GNG7: variants seen among roughly 807,000 people sequenced by gnomAD.
GNG7 encodes G protein subunit gamma 7.
A neutral mutation model predicts 4.0 loss-of-function variants in GNG7; 1 was observed. That is an observed-to-expected ratio of 0.25 (90% CI 0.09 to 1.18). The LOEUF is 1.18. GNG7 is among the 50% of genes most tolerant of loss of function. The pLI, the probability that GNG7 is intolerant of heterozygous loss-of-function variation, is 0.50. For missense variants in GNG7, 86 were observed against 91.9 expected, an observed-to-expected ratio of 0.94 and a Z score of 0.26; for synonymous variants, 34 against 36.9, an observed-to-expected ratio of 0.92 and a Z score of 0.29.
rs555050518 is a variant in GNG7, at chr19:2,549,972, C to T, written c.-38+5177G>A. 4.2e-4 allele frequency among the ~76,000 whole-genome samples: 64 copies of T among 152,370 alleles called. 1 individual carries two copies. The East Asian group carries it at 7.9e-3, about 19-fold the overall frequency. Reference sequence around the variant, plus strand: ...TTTCTTGTCTATCCAAATTCCATTACGCCTTTTCTTGCTAATGCAGAAACA... The same window carrying T: ...TTTCTTGTCTATCCAAATTCCATTATGCCTTTTCTTGCTAATGCAGAAACA... On this transcript the variant is annotated intron_variant, in intron 3 of 4. Transcript: ENST00000382159.
intron 1 of GNG7, among the ~76,000 whole-genome samples, chr19:2,696,292 G>GAGAGAGAAAGAAAGAA (rs1555705038): frequency 4.6e-5 from 5 of 108,610 alleles, no homozygotes; most frequent in East Asian, 5.1e-4. Flanking sequence ...AAGAGAGAGA[G>GAGAGAGAAAGAAAGAA]AGAAAGAAAG....
At position 2,664,894 on chromosome 19, in the gene GNG7, C is replaced by T. The variant is rs374460019; in HGVS notation, c.-134-18614G>A. 1.1e-4 allele frequency among the ~76,000 whole-genome samples: 16 copies of T among 152,158 alleles called. No homozygotes were observed. The South Asian group carries it at 1.2e-3, about 12-fold the overall frequency. On this transcript the variant is annotated intron_variant, in intron 1 of 4. Coordinates refer to ENST00000382159, the MANE Select transcript of GNG7 (RefSeq NM_052847.3). Reference sequence around the variant, plus strand: ...CACGACCATCCTCAAGTTGTGACAACGACAAATGTCCTCAGACAACACCCA... The same window carrying T: ...CACGACCATCCTCAAGTTGTGACAATGACAAATGTCCTCAGACAACACCCA...
At position 2,639,409 on chromosome 19, in the gene GNG7, G is replaced by A. The variant is rs191316116; in HGVS notation, c.-78+6815C>T. Among the ~76,000 whole-genome samples, 445 of 151,924 alleles carry A rather than the reference G, an allele frequency of 2.9e-3. 5 individuals carry two copies. The South Asian group carries it at 0.033, about 11-fold the overall frequency. On this transcript the variant is annotated intron_variant, in intron 2 of 4. Coordinates refer to ENST00000382159, the MANE Select transcript of GNG7 (RefSeq NM_052847.3). Reference sequence around the variant, plus strand: ...ACCCCAGCCTGGCAGCCCACAGAAGGATGCCCAGAGAACGGTCGGATTCAC... The same window carrying A: ...ACCCCAGCCTGGCAGCCCACAGAAGAATGCCCAGAGAACGGTCGGATTCAC...
intron 2 of GNG7, among the ~76,000 whole-genome samples, chr19:2,619,301 C>G (rs764306203): frequency 6.6e-6 from 1 of 152,184 alleles, no homozygotes; most frequent in Non-Finnish European, 1.5e-5. Context: ...TATTGGCACA[C>G]GGCCACACCC....
chr19:2,576,873 A>G (rs1980357596), intron 2 of GNG7, among the ~76,000 whole-genome samples: 1 of 150,990 alleles, frequency 6.6e-6, no homozygotes. Flanking sequence ...TTCTAAAGAC[A>G]GGGTCTCGCT....
Position 2,614,043 on chromosome 19 carries a change from C to T in GNG7, c.-78+32181G>A, listed in dbSNP as rs967830364. Among the ~76,000 whole-genome samples, 9 of 152,224 alleles carry T rather than the reference C, an allele frequency of 5.9e-5. No homozygotes were observed. The highest frequency in any genetic ancestry group is 1.9e-4 in the African/African-American group (8 of 41,460). On this transcript the variant is annotated intron_variant, in intron 2 of 4. Coordinates refer to ENST00000382159, the MANE Select transcript of GNG7 (RefSeq NM_052847.3). This position sits in a 1 kb window ranked among gnomAD's most constrained non-coding sequence, Gnocchi z 6.0. ...ATCCACCCAGGGAACTCGGGCCCCGCGCCTACCCCCGGGGTAAAGGGGGCC... is the reference window on the plus strand; with the variant it reads ...ATCCACCCAGGGAACTCGGGCCCCGTGCCTACCCCCGGGGTAAAGGGGGCC...
In GNG7 at chr19:2,567,152, A is replaced by C. The variant is rs79984415; in HGVS notation, c.-77-11964T>G. Among the ~76,000 whole-genome samples the C allele has an allele frequency of 5.2e-3, 742 of 141,620 alleles. 2 individuals carry two copies. Among genetic ancestry groups the C allele is most frequent in the Non-Finnish European group, 7.8e-3 (482 of 62,096 alleles). The allele number at this position is 141,620 out of a possible 152,430, so 92.9% of individuals were successfully genotyped here. On this transcript the variant is annotated intron_variant, in intron 2 of 4. Transcript: ENST00000382159. Reference sequence around the variant, plus strand: ...AAAAACAAAAAAAAAACAAAAAAAAAAACACAAAAACAATAACAAAAAACC... The same window carrying C: ...AAAAACAAAAAAAAAACAAAAAAAACAACACAAAAACAATAACAAAAAACC...
intron 2 of GNG7, among the ~76,000 whole-genome samples, chr19:2,568,374 TAG>T (rs1980008746): frequency 2.7e-5 from 4 of 148,284 alleles, no homozygotes; most frequent in African/African-American, 5.0e-5. Context: ...TACACACATA[TAG>T]ACACACATAT....
At chr19:2,639,159 G>T (rs1051819193) in intron 2 of GNG7, among the ~76,000 whole-genome samples, 1 of 151,768 alleles carries the variant, frequency 6.6e-6, no homozygotes, top group African/African-American at 2.4e-5. Flanking sequence ...GCTTGAACCC[G>T]GAAGGAGGAG....
chr19:2,638,392 A>T (rs1159196956), intron 2 of GNG7, among the ~76,000 whole-genome samples: 1 of 122,458 alleles, frequency 8.2e-6, no homozygotes, highest in African/African-American at 3.2e-5. Flanking sequence ...GGGGAAGAGA[A>T]GGGGATGGGA....
chr19:2,589,800 G>A (rs1470260513), intron 2 of GNG7, among the ~76,000 whole-genome samples: 1 of 152,140 alleles, frequency 6.6e-6, no homozygotes, highest in Non-Finnish European at 1.5e-5. Flanking sequence ...GCCACACAGT[G>A]TGTGATCCCA....
intron 2 of GNG7, among the ~76,000 whole-genome samples, chr19:2,570,215 C>T (rs547799505): frequency 6.6e-6 from 1 of 152,298 alleles, no homozygotes; most frequent in South Asian, 2.1e-4. Flanking sequence ...CCTTCACCTT[C>T]TGCCATGAGT....
chr19:2,675,172 A>G (rs1315298757), intron 1 of GNG7, among the ~76,000 whole-genome samples: 1 of 152,214 alleles, frequency 6.6e-6, no homozygotes, highest in Non-Finnish European at 1.5e-5. Flanking sequence ...TTCATAAATG[A>G]ACCCAAACAG....
At chr19:2,553,383 C>CATATATATATATATATATATATAT (rs200287140) in intron 3 of GNG7, among the ~76,000 whole-genome samples, 103 of 127,668 alleles carry the variant, frequency 8.1e-4, no homozygotes, top group East Asian at 4.6e-3. Context: ...TGGTGCTGAG[C>CATATATATATATATATATATATAT]ATATATATAT....
chr19:2,537,787 T>G (rs1978791912), intron 3 of GNG7, among the ~76,000 whole-genome samples: 1 of 151,906 alleles, frequency 6.6e-6, no homozygotes. Context: ...TGAAAGGTCT[T>G]GAGGGAAGCG....
At chr19:2,579,942 C>T (rs977146162) in intron 2 of GNG7, among the ~76,000 whole-genome samples, 5 of 152,140 alleles carry the variant, frequency 3.3e-5, no homozygotes, top group African/African-American at 9.7e-5. Flanking sequence ...CAGGGGAGAA[C>T]GCTTTCTGCC....
intron 2 of GNG7, among the ~76,000 whole-genome samples, chr19:2,591,337 C>T (rs1980844513): frequency 6.6e-6 from 1 of 152,148 alleles, no homozygotes; most frequent in Non-Finnish European, 1.5e-5. Flanking sequence ...TCTCTGTTTC[C>T]TCTCTTGTAA....
At chr19:2,582,650 T>C (rs1980535211) in intron 2 of GNG7, among the ~76,000 whole-genome samples, 1 of 139,848 alleles carries the variant, frequency 7.2e-6, no homozygotes, top group African/African-American at 2.8e-5. Flanking sequence ...GGCTGGCTAA[T>C]TGTTAATTTT....
At chr19:2,666,632 T>G (rs1037536695) in intron 1 of GNG7, among the ~76,000 whole-genome samples, 1 of 152,222 alleles carries the variant, frequency 6.6e-6, no homozygotes, top group East Asian at 1.9e-4. Flanking sequence ...CTTTCTGGAC[T>G]AGACCAGAGC....
Sources: allele counts gnomAD v4.1 joint callset (sites outside exome capture counted in the v4.1 genomes callset), GRCh38; gene constraint gnomAD v4.1.1; non-coding constraint Gnocchi (gnomAD v3.1); transcripts MANE v1.5; gene names NCBI Gene and HGNC (gene_info 2026-07-23, HGNC 2026-07-21).